The following CTNNA3 variants were observed in gnomAD, a reference collection of about 807,000 sequenced individuals.
CTNNA3 encodes catenin alpha-3.
CTNNA3 carries 76 observed loss-of-function variants against 95.7 expected under a neutral mutation model. That is an observed-to-expected ratio of 0.79 (90% CI 0.66 to 0.96). The LOEUF (loss-of-function observed/expected upper bound fraction) is 0.96, where lower values mean the gene tolerates loss of function less well. Among genes scored for constraint, CTNNA3 ranks in the 40% least tolerant of loss-of-function variants. The pLI is 0.00. For synonymous variants in CTNNA3, 431 were observed against 374.4 expected (o/e 1.15, Z -1.74); for missense variants, 1,191 against 1,089.8 (o/e 1.09, Z -1.31).
At chr10:67,324,092 T>C (rs1430946639) in intron 5 of CTNNA3, among the ~76,000 whole-genome samples, 1 of 152,052 alleles carries the variant, frequency 6.6e-6, no homozygotes. Flanking sequence ...TGCAAAACTG[T>C]TGAAGTCGCT....
At chr10:65,986,535 A>G (rs1481449884) in intron 16 of CTNNA3, among the ~76,000 whole-genome samples, 2 of 151,616 alleles carry the variant, frequency 1.3e-5, no homozygotes, top group African/African-American at 4.8e-5. Flanking sequence ...CTACTATTAA[A>G]CTATAAAATA....
chr10:67,506,840 A>G (rs1306492292), intron 5 of CTNNA3, among the ~76,000 whole-genome samples: 1 of 152,198 alleles, frequency 6.6e-6, no homozygotes, highest in Non-Finnish European at 1.5e-5. Context: ...TAAATATGTG[A>G]CTAAGCTTGC....
At chr10:66,521,108 A>G (rs1841052297) in intron 10 of CTNNA3, among the ~76,000 whole-genome samples, 1 of 151,382 alleles carries the variant, frequency 6.6e-6, no homozygotes, top group South Asian at 2.1e-4. Context: ...CATCATCGAC[A>G]ATAGGAAAAA....
At chr10:65,944,402 G>T (rs539458439) in intron 17 of CTNNA3, among the ~76,000 whole-genome samples, 2 of 152,210 alleles carry the variant, frequency 1.3e-5, no homozygotes, top group Admixed American at 1.3e-4. Context: ...GGGGCTATTC[G>T]AAAATGCTAC....
chr10:66,268,226 T>A (rs1205424229), intron 13 of CTNNA3, among the ~76,000 whole-genome samples: 1 of 152,114 alleles, frequency 6.6e-6, no homozygotes, highest in Non-Finnish European at 1.5e-5. Context: ...TTTACACTCT[T>A]TCCATTGAAA....
At chr10:67,651,279 T>A (rs1839871088) in intron 1 of CTNNA3, among the ~76,000 whole-genome samples, 1 of 152,228 alleles carries the variant, frequency 6.6e-6, no homozygotes, top group Admixed American at 6.5e-5. Context: ...TGTTTAAGTC[T>A]TTTTTATTTC....
chr10:67,724,523 G>A (rs1042391047), intron 1 of CTNNA3, among the ~76,000 whole-genome samples: 1 of 152,094 alleles, frequency 6.6e-6, no homozygotes, highest in African/African-American at 2.4e-5. Flanking sequence ...GTGTTCCATA[G>A]AACACTGGCT....
At chr10:66,034,372 C>T (rs2079516896) in intron 15 of CTNNA3, among the ~76,000 whole-genome samples, 2 of 152,030 alleles carry the variant, frequency 1.3e-5, no homozygotes, top group South Asian at 2.1e-4. Context: ...CTGATTCATT[C>T]TACTAGAGAA....
At chr10:66,409,122 T>C (rs1379819262) in intron 11 of CTNNA3, among the ~76,000 whole-genome samples, 1 of 152,176 alleles carries the variant, frequency 6.6e-6, no homozygotes, top group Non-Finnish European at 1.5e-5. Context: ...ATATTCCAAA[T>C]AGTGAATCTG....
intron 12 of CTNNA3, among the ~76,000 whole-genome samples, chr10:66,293,554 T>C (rs1230493816): frequency 7.9e-5 from 12 of 152,256 alleles, no homozygotes; most frequent in African/African-American, 2.4e-4. Context: ...TATTCTAACA[T>C]GACTAGTAGT....
chr10:67,399,025 A>T (rs1844818405), intron 5 of CTNNA3, among the ~76,000 whole-genome samples: 3 of 150,716 alleles, frequency 2.0e-5, no homozygotes, highest in Non-Finnish European at 4.4e-5. Context: ...TACACTATTC[A>T]TTAAGTGGAA....
At chr10:67,004,491 C>A (rs1217144046) in intron 7 of CTNNA3, among the ~76,000 whole-genome samples, 1 of 110,408 alleles carries the variant, frequency 9.1e-6, no homozygotes, top group Non-Finnish European at 2.1e-5. Context: ...TCCCATAATG[C>A]TTCTTCCCTC....
At chr10:67,710,291 C>T (rs1341434480) in intron 1 of CTNNA3, among the ~76,000 whole-genome samples, 2 of 152,066 alleles carry the variant, frequency 1.3e-5, no homozygotes, top group Admixed American at 6.6e-5. Flanking sequence ...TAGGAATGCA[C>T]TAAAGACAGC....
rs536206187 is a variant in CTNNA3, at chr10:67,196,833, C to A, written c.844-16313G>T. On this transcript the variant is annotated intron_variant, in intron 6 of 17. Coordinates refer to ENST00000433211, the MANE Select transcript of CTNNA3 (RefSeq NM_013266.4). ...ATATTGAATATTATATTGAATTAAT[C>A]TTACCATAATATTATAGACTGAGGC... Among the ~76,000 whole-genome samples the A allele has an allele frequency of 6.6e-5, 10 of 152,130 alleles. No individual in the cohort carries two copies. The South Asian group carries it at 2.1e-3, about 32-fold the overall frequency.
chr10:65,947,550 C>A (rs1313989518), intron 17 of CTNNA3, among the ~76,000 whole-genome samples: 1 of 152,186 alleles, frequency 6.6e-6, no homozygotes, highest in Non-Finnish European at 1.5e-5. Flanking sequence ...AGTGAGCAAC[C>A]TTTCTATTCT....
chr10:66,294,119 C>A lies in CTNNA3; in HGVS notation c.1733-13498G>T, dbSNP rs114527636. ...AATCTTTGGAATAGTTGCATATAAT[C>A]TAATAGTGATTGTCTAATCATCATG... On this transcript the variant is annotated intron_variant, in intron 12 of 17. Coordinates refer to ENST00000433211, the MANE Select transcript of CTNNA3 (RefSeq NM_013266.4). 5.4e-3 allele frequency among the ~76,000 whole-genome samples: 829 copies of A among 152,274 alleles called. 11 individuals carry two copies. The highest frequency in any genetic ancestry group is 0.019 in the African/African-American group (800 of 41,546).
At chr10:66,572,254 G>A (rs1236736796) in intron 10 of CTNNA3, among the ~76,000 whole-genome samples, 3 of 151,464 alleles carry the variant, frequency 2.0e-5, no homozygotes, top group Non-Finnish European at 2.9e-5. Flanking sequence ...GTGGGGGCAC[G>A]TGCCTGTAAT....
At chr10:67,159,584 T>A (rs974933191) in intron 7 of CTNNA3, among the ~76,000 whole-genome samples, 5 of 152,202 alleles carry the variant, frequency 3.3e-5, no homozygotes, top group Admixed American at 2.0e-4. Context: ...TAAAGTCAAC[T>A]AATCTTCAAC....
chr10:67,751,286 T>A, intron 1 of CTNNA3: 1 of 1,015,016 alleles, frequency 9.9e-7, no homozygotes, highest in East Asian at 2.6e-5. Flanking sequence ...CGCTGAAGTG[T>A]GACATCTCCA....
Sources: gnomAD v4.1 joint callset for allele counts (sites outside exome capture counted in the v4.1 genomes callset) on GRCh38, gnomAD v4.1.1 for gene constraint, MANE v1.5 for transcripts, NCBI Gene and HGNC (gene_info 2026-07-23, HGNC 2026-07-21) for gene names.